ZNF547: variants seen among roughly 807,000 people sequenced by gnomAD.
ZNF547 encodes the protein zinc finger protein 547.
ZNF547 carries 4 observed loss-of-function variants against 7.7 expected under a neutral mutation model. That is an observed-to-expected ratio of 0.52 (90% CI 0.26 to 1.20). The LOEUF (loss-of-function observed/expected upper bound fraction) is 1.20. Ranked by LOEUF, ZNF547 falls within the 50% of genes most tolerant of loss-of-function variation. ZNF547 has a pLI of 0.14. For synonymous variants in ZNF547, 166 were observed against 166.2 expected (o/e 1.00, Z 0.01); for missense variants, 449 against 485.8 (o/e 0.92, Z 0.71).
chr19:57,377,392 G>A lies in ZNF547; in HGVS notation c.416G>A (p.Gly139Glu). ...GAGAAACTTTCTAGAGGGGATGGAG[G>A]AAGACCGACATTTGTGAAGAACCAC... is the stretch of plus-strand genomic sequence containing the variant. ...IREKLSRGDG[G>E]RPTFVKNHRV... Residue 139 changes from glycine to glutamate, a missense_variant, in exon 4 of 4, where the codon GGA (glycine) becomes GAA (glutamate). Transcript: ENST00000282282. The A allele has an allele frequency of 1.2e-6, 2 of 1,614,254 alleles. No individual in the cohort carries two copies. Among genetic ancestry groups the A allele is most frequent in the Non-Finnish European group, 1.7e-6 (2 of 1,180,054 alleles).
intron 2 of ZNF547, among the ~76,000 whole-genome samples, chr19:57,371,433 C>G (rs548236346): frequency 5.9e-5 from 9 of 152,346 alleles, no homozygotes; most frequent in Non-Finnish European, 1.2e-4. Flanking sequence ...GTTTAGTCCA[C>G]AGATGCTGTT....
chr19:57,372,201 T>C (rs889013923), intron 3 of ZNF547, among the ~76,000 whole-genome samples: 1 of 152,186 alleles, frequency 6.6e-6, no homozygotes, highest in Non-Finnish European at 1.5e-5. Context: ...ATGAGACCTC[T>C]GTGCTCTGTT....
intron 1 of ZNF547, among the ~76,000 whole-genome samples, chr19:57,366,046 G>C (rs1378333830): frequency 6.7e-6 from 1 of 149,514 alleles, no homozygotes; most frequent in South Asian, 2.1e-4. Context: ...TGTATTTTTA[G>C]TAAAGACGGG....
intron 1 of ZNF547, among the ~76,000 whole-genome samples, chr19:57,365,715 G>A (rs1272693918): frequency 6.6e-6 from 1 of 151,772 alleles, no homozygotes; most frequent in Admixed American, 6.6e-5. Context: ...CGCCATGTTG[G>A]TCAGGCTGGT....
At chr19:57,372,875 C>T (rs2088515043) in intron 3 of ZNF547, among the ~76,000 whole-genome samples, 1 of 152,228 alleles carries the variant, frequency 6.6e-6, no homozygotes, top group African/African-American at 2.4e-5. Flanking sequence ...TCACTAGTCA[C>T]CAGCAGCCAT....
Position 57,368,696 on chromosome 19 carries a change from T to C in ZNF547, c.24+117T>C, listed in dbSNP as rs941653057. On this transcript the variant is annotated intron_variant, in intron 2 of 3. Transcript: ENST00000282282. Reference sequence around the variant, plus strand: ...TCTTTCTGTCTTTCTCCCTCTCTTATGTCTGAAAAGTGAGTGATTCCACCA... The same window carrying C: ...TCTTTCTGTCTTTCTCCCTCTCTTACGTCTGAAAAGTGAGTGATTCCACCA... 12 of 1,005,570 alleles carry C rather than the reference T, an allele frequency of 1.2e-5. No individual in the cohort carries two copies. The Admixed American group carries it at 1.7e-4, about 14-fold the overall frequency. 62.3% of individuals were successfully genotyped at this position (1,005,570 alleles called of 1,614,324 possible). A position where few individuals can be genotyped will look rare whatever the true frequency, so the allele number is the denominator to read the frequency against.
At position 57,365,123 on chromosome 19, in the gene ZNF547, ACTT is replaced by A. The variant is rs1383650085; in HGVS notation, c.-13+1424_-13+1426del. On this transcript the variant is annotated intron_variant, in intron 1 of 3. Transcript: ENST00000282282. ...ATAAGACAAGAAGATGGAATAAAGA[ACTT>A]CTTTACTGATGTTTATGATTTATAT... 8.7e-6 allele frequency: 14 copies of A among 1,607,168 alleles called. No individual in the cohort carries two copies. The South Asian group carries it at 1.3e-4, about 15-fold the overall frequency.
At position 57,368,585 on chromosome 19, in the gene ZNF547, T is replaced by G; in HGVS notation, c.24+6T>G. The G allele has an allele frequency of 3.1e-6, 5 of 1,613,900 alleles. No individual in the cohort carries two copies. Among genetic ancestry groups the G allele is most frequent in the Non-Finnish European group, 4.2e-6 (5 of 1,179,934 alleles). The stretch of plus-strand genomic sequence containing the variant: ...CAGAAATGAACCCTGCACAGGTGAG[T>G]GGAGTGTTTTCTACCTTTCACCTAC... On this transcript the variant is annotated splice_donor_region_variant and intron_variant, in intron 2 of 3. Coordinates refer to ENST00000282282, the MANE Select transcript of ZNF547 (RefSeq NM_173631.4).
chr19:57,366,904 G>T (rs2088474359), intron 1 of ZNF547, among the ~76,000 whole-genome samples: 2 of 152,218 alleles, frequency 1.3e-5, no homozygotes, highest in Non-Finnish European at 1.5e-5. Context: ...AGAAACACTT[G>T]TGCAGTGCTA....
chr19:57,373,840 G>T (rs553734950), intron 3 of ZNF547, among the ~76,000 whole-genome samples: 1 of 152,298 alleles, frequency 6.6e-6, no homozygotes, highest in South Asian at 2.1e-4. Context: ...TGCCCCTGTG[G>T]CTTTGCAGGG....
rs868431534 is a variant in ZNF547 at position 57,376,118 on chromosome 19, G to A, written c.152-1010G>A. 1.2e-4 allele frequency among the ~76,000 whole-genome samples: 19 copies of A among 152,116 alleles called. 1 individual carries two copies. Among genetic ancestry groups the A allele is most frequent in the Admixed American group, 9.8e-4 (15 of 15,288 alleles). On this transcript the variant is annotated intron_variant, in intron 3 of 3. Coordinates refer to ENST00000282282, the MANE Select transcript of ZNF547 (RefSeq NM_173631.4). The stretch of plus-strand genomic sequence containing the variant: ...GCAGATGTTGCAGTTAGCAGAGATC[G>A]TGCCACTGCACTCCAGCCTGGGCGG...
intron 2 of ZNF547, among the ~76,000 whole-genome samples, chr19:57,370,695 G>C (rs1027456370): frequency 2.6e-5 from 4 of 152,208 alleles, no homozygotes; most frequent in Non-Finnish European, 4.4e-5. Flanking sequence ...TGACTCCATG[G>C]AAACTGGCTG....
intron 1 of ZNF547, chr19:57,368,323 C>G: frequency 5.6e-6 from 3 of 534,830 alleles, no homozygotes; most frequent in Non-Finnish European, 1.0e-5. Flanking sequence ...GCCATTCTTA[C>G]AACCTATTTA....
At chr19:57,368,941 A>G (rs2088487891) in intron 2 of ZNF547, among the ~76,000 whole-genome samples, 2 of 152,134 alleles carry the variant, frequency 1.3e-5, no homozygotes, top group African/African-American at 4.8e-5. Flanking sequence ...TGTCTGTTAT[A>G]TCGGATAGGA....
At chr19:57,365,053 G>A (rs1175965899) in intron 1 of ZNF547, 2 of 1,611,696 alleles carry the variant, frequency 1.2e-6, no homozygotes, top group Non-Finnish European at 8.5e-7. Context: ...GTTTGTGTCA[G>A]CATTTGTCAC....
chr19:57,370,342 G>A (rs2088497222), intron 2 of ZNF547, among the ~76,000 whole-genome samples: 1 of 152,192 alleles, frequency 6.6e-6, no homozygotes, highest in Admixed American at 6.5e-5. Flanking sequence ...GCCATGTAGG[G>A]AACCTTCAAC....
chr19:57,367,775 C>G (rs1222986994), intron 1 of ZNF547, among the ~76,000 whole-genome samples: 1 of 152,160 alleles, frequency 6.6e-6, no homozygotes. Context: ...AAAAAGTTAT[C>G]CAGGCTAGTG....
intron 3 of ZNF547, among the ~76,000 whole-genome samples, chr19:57,374,493 C>A (rs1366287605): frequency 6.6e-6 from 1 of 152,272 alleles, no homozygotes; most frequent in South Asian, 2.1e-4. Context: ...TTTTCCCCAT[C>A]ACCTTCGTGG....
Position 57,378,917 on chromosome 19 carries a change from G to A in ZNF547, c.*732G>A, listed in dbSNP as rs2088557164. On this transcript the variant is annotated 3_prime_UTR_variant, in exon 4 of 4. Coordinates refer to ENST00000282282, the MANE Select transcript of ZNF547 (RefSeq NM_173631.4). ...GTCATTATGACTCTGACTATTCTTG[G>A]TACTTCTCAGAAGAAGAATCTTAGA... The A allele has an allele frequency of 5.0e-6, 1 of 201,008 alleles. No homozygotes were observed. The highest frequency in any genetic ancestry group is 2.4e-5 in the African/African-American group (1 of 41,776). 12.5% of individuals were successfully genotyped at this position (201,008 alleles called of 1,614,324 possible).
Sources: allele counts gnomAD v4.1 joint callset (sites outside exome capture counted in the v4.1 genomes callset), GRCh38; gene constraint gnomAD v4.1.1; transcripts MANE v1.5; gene names NCBI Gene and HGNC (gene_info 2026-07-23, HGNC 2026-07-21).